Variants in CTNNA3 observed in about 807,000 individuals in gnomAD.
CTNNA3 encodes catenin alpha-3.
In CTNNA3, 76 loss-of-function variants were observed where a neutral mutation model predicts 95.7. That is an observed-to-expected ratio of 0.79 (90% CI 0.66 to 0.96). The LOEUF is 0.96. CTNNA3 is among the 40% of genes least tolerant of loss of function. The probability of loss-of-function intolerance (pLI) is 0.00; values close to 1 mark genes in which losing one functional copy is unlikely to be tolerated. For synonymous variants in CTNNA3, 431 were observed against 374.4 expected, an observed-to-expected ratio of 1.15 and a Z score of -1.74; for missense variants, 1,191 against 1,089.8, an observed-to-expected ratio of 1.09 and a Z score of -1.31.
intron 13 of CTNNA3, among the ~76,000 whole-genome samples, chr10:66,150,332 C>A (rs143644533): frequency 1.3e-5 from 2 of 152,124 alleles, no homozygotes; most frequent in Non-Finnish European, 2.9e-5. Flanking sequence ...TGAGGCCTTG[C>A]CAGGCATGTG....
At chr10:65,961,872 G>A (rs1240668791) in intron 17 of CTNNA3, among the ~76,000 whole-genome samples, 1 of 151,944 alleles carries the variant, frequency 6.6e-6, no homozygotes, top group Non-Finnish European at 1.5e-5. Context: ...ACAAGTCATT[G>A]TTAGAGCCGT....
intron 14 of CTNNA3, among the ~76,000 whole-genome samples, chr10:66,090,397 G>A (rs1270813444): frequency 6.6e-6 from 1 of 152,078 alleles, no homozygotes; most frequent in African/African-American, 2.4e-5. Context: ...TGATAGTGGT[G>A]GTGGTGGTAA....
At chr10:66,655,782 G>A (rs1396031769) in intron 9 of CTNNA3, among the ~76,000 whole-genome samples, 1 of 151,988 alleles carries the variant, frequency 6.6e-6, no homozygotes, top group Non-Finnish European at 1.5e-5. Flanking sequence ...AATTGCCAAA[G>A]AGCATTGAAG....
chr10:66,266,791 A>G (rs939627285), intron 13 of CTNNA3, among the ~76,000 whole-genome samples: 1 of 151,980 alleles, frequency 6.6e-6, no homozygotes, highest in Non-Finnish European at 1.5e-5. Context: ...ATTTTTTTCT[A>G]TTATTATTGT....
intron 5 of CTNNA3, among the ~76,000 whole-genome samples, chr10:67,424,916 C>CA (rs989944353): frequency 1.3e-5 from 2 of 151,942 alleles, no homozygotes; most frequent in Non-Finnish European, 2.9e-5. Context: ...TGAAAATACT[C>CA]AAAAAACATT....
intron 10 of CTNNA3, among the ~76,000 whole-genome samples, chr10:66,558,438 T>C (rs1049331703): frequency 1.3e-5 from 2 of 152,148 alleles, no homozygotes; most frequent in Non-Finnish European, 2.9e-5. Context: ...ATATTGGGTA[T>C]TGGAAATCTT....
intron 7 of CTNNA3, among the ~76,000 whole-genome samples, chr10:66,824,784 G>A (rs576411414): frequency 7.2e-5 from 11 of 152,058 alleles, no homozygotes; most frequent in Admixed American, 2.6e-4. Context: ...AGAAGTCATC[G>A]CCGTCTAAAG....
chr10:66,270,756 G>A (rs2091262960), intron 13 of CTNNA3, among the ~76,000 whole-genome samples: 1 of 152,048 alleles, frequency 6.6e-6, no homozygotes. Flanking sequence ...ACCTGAAGAG[G>A]CCTCCTGTGC....
chr10:67,703,675 A>T (rs1025863585), intron 1 of CTNNA3, among the ~76,000 whole-genome samples: 1 of 152,234 alleles, frequency 6.6e-6, no homozygotes, highest in East Asian at 1.9e-4. Context: ...TATCATACTG[A>T]ATGGGCAAAC....
At chr10:67,577,538 C>A (rs1842205269) in intron 3 of CTNNA3, among the ~76,000 whole-genome samples, 2 of 151,922 alleles carry the variant, frequency 1.3e-5, no homozygotes, top group Admixed American at 1.3e-4. Context: ...TAATTAGATC[C>A]CATTTGTCAA....
chr10:67,360,650 C>T (rs949441815), intron 5 of CTNNA3, among the ~76,000 whole-genome samples: 8 of 152,046 alleles, frequency 5.3e-5, no homozygotes, highest in African/African-American at 1.9e-4. Flanking sequence ...CTGGGGAGGT[C>T]TCAGGGAGCT....
intron 11 of CTNNA3, among the ~76,000 whole-genome samples, chr10:66,488,067 T>C (rs940421843): frequency 1.3e-5 from 2 of 152,124 alleles, no homozygotes; most frequent in African/African-American, 4.8e-5. Context: ...CTTTAAAAAG[T>C]TTCCCTTCGA....
chr10:66,329,436 T>C (rs538935479), intron 12 of CTNNA3, among the ~76,000 whole-genome samples: 1 of 152,056 alleles, frequency 6.6e-6, no homozygotes, highest in East Asian at 1.9e-4. Context: ...ACAATGTTTC[T>C]CCTGGGCACC....
rs1564791192 is a variant in CTNNA3, at chr10:66,230,650, C to T, written c.1884+49820G>A. The stretch of plus-strand genomic sequence containing the variant: ...TTGCCTGTGGCGGTGACAGGCTCCT[C>T]ATGGGACAGTCCTCAAGTTTATGGA... On this transcript the variant is annotated intron_variant, in intron 13 of 17. Transcript: ENST00000433211. Among the ~76,000 whole-genome samples the T allele has an allele frequency of 2.6e-5, 4 of 152,190 alleles. No homozygotes were observed. In the South Asian group the frequency reaches 8.3e-4, roughly 32 times the overall value.
chr10:67,275,840 C>G (rs1839165204), intron 5 of CTNNA3, among the ~76,000 whole-genome samples: 1 of 152,064 alleles, frequency 6.6e-6, no homozygotes, highest in Non-Finnish European at 1.5e-5. Flanking sequence ...GCTTTCTAGC[C>G]CTTCACTAAT....
At chr10:66,232,392 A>T (rs12414423) in intron 13 of CTNNA3, among the ~76,000 whole-genome samples, 17,738 of 152,126 alleles carry the variant, frequency 0.12, 1,114 homozygotes, top group African/African-American at 0.15. Flanking sequence ...TGCAAATTTT[A>T]AAAATAATTT....
intron 11 of CTNNA3, among the ~76,000 whole-genome samples, chr10:66,477,997 G>T (rs1483610976): frequency 1.3e-5 from 2 of 152,060 alleles, no homozygotes; most frequent in Non-Finnish European, 2.9e-5. Context: ...TAAAGTGTTT[G>T]AATAGATAAA....
intron 7 of CTNNA3, among the ~76,000 whole-genome samples, chr10:66,871,025 A>G (rs1193762672): frequency 6.6e-6 from 1 of 152,120 alleles, no homozygotes; most frequent in Non-Finnish European, 1.5e-5. Flanking sequence ...TATGAATTGC[A>G]TTTTAGAAAA....
chr10:67,517,451 G>T (rs1839852470), intron 5 of CTNNA3, among the ~76,000 whole-genome samples: 1 of 151,430 alleles, frequency 6.6e-6, no homozygotes, highest in South Asian at 2.1e-4. Context: ...ATCCTACAAG[G>T]TATTATGTAC....
Sources: gnomAD v4.1 joint callset for allele counts (sites outside exome capture counted in the v4.1 genomes callset) on GRCh38, gnomAD v4.1.1 for gene constraint, MANE v1.5 for transcripts, NCBI Gene and HGNC (gene_info 2026-07-23, HGNC 2026-07-21) for gene names.